Variants in BRWD3 observed in about 807,000 individuals in gnomAD.
BRWD3 encodes the protein bromodomain and WD repeat-containing protein 3.
In BRWD3, 10 loss-of-function variants were observed where a neutral mutation model predicts 149.7. That is an observed-to-expected ratio of 0.07 (90% CI 0.04 to 0.11). The LOEUF is 0.11. BRWD3 is among the 10% of genes least tolerant of loss of function. BRWD3 has a pLI of 1.00. For missense variants in BRWD3, 940 were observed against 1,373.2 expected (o/e 0.68, Z 4.99); for synonymous variants, 504 against 456.7 (o/e 1.10, Z -1.32).
chrX:80,717,910 G>GT lies in BRWD3; in HGVS notation c.2045-152dup. ...CTATATTTTCTGTACCCTCCTTTGTGTTTTTCATATTGTTATAAATAAAGC... is the reference window on the plus strand; with the variant it reads ...CTATATTTTCTGTACCCTCCTTTGTGTTTTTTCATATTGTTATAAATAAAGC... On this transcript the variant is annotated intron_variant, in intron 18 of 40. Transcript: ENST00000373275. 4 of 475,864 alleles carry GT rather than the reference G, an allele frequency of 8.4e-6. No individual in the cohort carries two copies. The Admixed American group carries it at 1.4e-4, about 16-fold the overall frequency. The allele number at this position is 475,864 out of a possible 1,213,427, so 39.2% of individuals were successfully genotyped here.
chrX:80,780,544 T>C (rs2074046131), intron 6 of BRWD3, among the ~76,000 whole-genome samples: 1 of 111,683 alleles, frequency 9.0e-6, no homozygotes, highest in South Asian at 3.7e-4. Flanking sequence ...GCAACAATCA[T>C]AGCACTTCCA....
chrX:80,691,906 G>A lies in BRWD3; in HGVS notation c.3398C>T (p.Pro1133Leu). 8.3e-7 allele frequency: 1 copy of A among 1,209,705 alleles called. No homozygotes were observed. Among genetic ancestry groups the A allele is most frequent in the African/African-American group, 1.7e-5 (1 of 57,293 alleles). ...ATGAGCCCCCCACTCTCCTTCCTGG[G>A]GTTTGTATAGCAAAGCAGTCAATTC... Reference protein sequence around the residue: ...QEELTALLYKPQEGEWGAHSR... With the variant: ...QEELTALLYKLQEGEWGAHSR... The change falls in exon 30 of 41, where the codon CCC (proline) becomes CTC (leucine). Residue 1133 changes from proline to leucine, a missense_variant. By Grantham distance (98) the Pro-to-Leu change is moderately conservative. This residue lies in a region of BRWD3 where 158 missense variants were observed against 284.0 expected (regional missense o/e 0.56). Coordinates refer to ENST00000373275, the MANE Select transcript of BRWD3 (RefSeq NM_153252.5).
intron 40 of BRWD3, among the ~76,000 whole-genome samples, chrX:80,681,139 T>C (rs1300273990): frequency 1.8e-5 from 2 of 109,567 alleles, no homozygotes; most frequent in African/African-American, 6.6e-5. Flanking sequence ...TAAAATACAT[T>C]TGAAAATAGC....
intron 6 of BRWD3, among the ~76,000 whole-genome samples, chrX:80,771,032 A>C (rs2073937891): frequency 9.0e-6 from 1 of 111,728 alleles, no homozygotes; most frequent in African/African-American, 3.3e-5. Context: ...ATACCTAGGA[A>C]TCCAACTTAT....
chrX:80,716,328 C>T, intron 19 of BRWD3, 78 bp from the exon 20 acceptor site: 1 of 804,807 alleles, frequency 1.2e-6, no homozygotes, highest in Non-Finnish European at 1.9e-6. Context: ...AATAAAAATA[C>T]TTTTAAACAT....
At chrX:80,777,001 A>G (rs2074006098) in intron 6 of BRWD3, among the ~76,000 whole-genome samples, 1 of 110,407 alleles carries the variant, frequency 9.1e-6, no homozygotes, top group South Asian at 3.9e-4. Context: ...CTCGCTCACT[A>G]TACATAAATA....
At chrX:80,702,984 T>C (rs767546818) in intron 24 of BRWD3, among the ~76,000 whole-genome samples, 1 of 111,950 alleles carries the variant, frequency 8.9e-6, no homozygotes, top group East Asian at 2.8e-4. Flanking sequence ...TGATTAATTT[T>C]TGACTGGCCA....
chrX:80,715,321 G>A (rs929260332), intron 20 of BRWD3, among the ~76,000 whole-genome samples: 2 of 111,059 alleles, frequency 1.8e-5, no homozygotes, highest in African/African-American at 6.5e-5. Context: ...TCTAATATTT[G>A]CAGATATCCA....
intron 6 of BRWD3, among the ~76,000 whole-genome samples, chrX:80,779,297 A>C (rs1028010658): frequency 9.9e-5 from 11 of 111,292 alleles, no homozygotes; most frequent in Admixed American, 6.7e-4. Context: ...CCTGGGCAAC[A>C]AGGGAGAAAT....
intron 6 of BRWD3, among the ~76,000 whole-genome samples, chrX:80,785,046 T>C (rs181862870): frequency 2.0e-4 from 22 of 112,218 alleles, no homozygotes; most frequent in African/African-American, 7.1e-4. Context: ...ACTGTCTGTG[T>C]GAAATTTTAA....
intron 33 of BRWD3, among the ~76,000 whole-genome samples, chrX:80,689,054 C>G (rs1294642507): frequency 9.0e-6 from 1 of 111,025 alleles, no homozygotes; most frequent in Non-Finnish European, 1.9e-5. Context: ...ATAATATAAA[C>G]ATGCAAAATA....
rs762665194 is a variant in BRWD3 at position 80,706,463 on chromosome X, A to C, written c.2552+964T>G. 1.3e-4 allele frequency among the ~76,000 whole-genome samples: 15 copies of C among 111,740 alleles called. No homozygotes were observed. In the South Asian group the frequency reaches 5.5e-3, roughly 41 times the overall value. Reference sequence around the variant, plus strand: ...GGTTTTTTCTATTTTTAAGGTTTAAAATTTTTTTTTATTTTAAAATTTTGT... The same window carrying C: ...GGTTTTTTCTATTTTTAAGGTTTAACATTTTTTTTTATTTTAAAATTTTGT... On this transcript the variant is annotated intron_variant, in intron 22 of 40. Transcript: ENST00000373275.
rs754969328 is a variant in BRWD3, at chrX:80,717,970, T to C, written c.2045-211A>G. Among the ~76,000 whole-genome samples the C allele has an allele frequency of 4.5e-5, 5 of 111,924 alleles. No homozygotes were observed. The South Asian group carries it at 1.5e-3, about 33-fold the overall frequency. On this transcript the variant is annotated intron_variant, in intron 18 of 40. Transcript: ENST00000373275. ...TATTGAGAAATGTTTAAAATTTCTA[T>C]AATTATTTTAATTTTTTTCAAAGTA...
At position 80,734,139 on chromosome X, in the gene BRWD3, A is replaced by T. The variant is rs746801851; in HGVS notation, c.1065T>A (p.Ile355=). The change falls in exon 11 of 41, where the codon ATT becomes ATA. Residue 355 remains isoleucine, a synonymous_variant. Transcript: ENST00000373275. The part of the protein sequence containing the change: ...YYLGSEVPEK[I]AELESHTDKV... ...TTACCGTATGTGACTCTAATTCAGC[A>T]ATTTTCTCAGGAACCTCAGAACCCA... is the stretch of plus-strand genomic sequence containing the variant. The T allele has an allele frequency of 1.7e-6, 2 of 1,197,849 alleles. No homozygotes were observed. Among genetic ancestry groups the T allele is most frequent in the East Asian group, 5.9e-5 (2 of 33,649 alleles).
intron 22 of BRWD3, among the ~76,000 whole-genome samples, chrX:80,706,684 C>T (rs2072871058): frequency 8.9e-6 from 1 of 111,876 alleles, no homozygotes. Context: ...GGCTATTTTA[C>T]AGTTAATAAT....
chrX:80,719,715 T>C (rs1003802538), intron 17 of BRWD3, 59 bp from the exon 18 acceptor site: 2 of 1,065,432 alleles, frequency 1.9e-6, no homozygotes, highest in Non-Finnish European at 2.6e-6. Flanking sequence ...ACCTTAAACA[T>C]AGTAAAAACA....
At chrX:80,725,946 A>C (rs1395976220) in intron 14 of BRWD3, among the ~76,000 whole-genome samples, 3 of 111,138 alleles carry the variant, frequency 2.7e-5, no homozygotes, top group African/African-American at 9.7e-5. Flanking sequence ...TACATGTTAC[A>C]TGTCTATATA....
At chrX:80,714,507 T>A (rs906576751) in intron 20 of BRWD3, among the ~76,000 whole-genome samples, 1 of 111,269 alleles carries the variant, frequency 9.0e-6, no homozygotes, top group African/African-American at 3.3e-5. Flanking sequence ...GAAACTGACC[T>A]GGAAGCCCAC....
chrX:80,746,308 T>G (rs2073592283), intron 6 of BRWD3, among the ~76,000 whole-genome samples: 1 of 111,131 alleles, frequency 9.0e-6, no homozygotes, highest in Non-Finnish European at 1.9e-5. Context: ...CCTTTTGGTT[T>G]CTGAATTTAG....
Sources: gnomAD v4.1 joint callset for allele counts (sites outside exome capture counted in the v4.1 genomes callset) on GRCh38, gnomAD v4.1.1 for gene constraint, gnomAD v4.1.1 regional missense constraint, MANE v1.5 for transcripts, NCBI Gene and HGNC (gene_info 2026-07-23, HGNC 2026-07-21) for gene names.